The following FASTKD2 variants were observed in gnomAD, a reference collection of about 807,000 sequenced individuals.
FASTKD2 encodes FAST kinase domains 2, also known as FAST kinase domain-containing protein 2, mitochondrial.
Under a neutral mutation model 63.6 loss-of-function variants are expected in FASTKD2, and 51 were observed. The ratio of observed to expected loss-of-function variants is 0.80; its 90% CI spans 0.64 to 1.01. FASTKD2 has a LOEUF of 1.01. FASTKD2 is among the 50% of genes least tolerant of loss of function. The probability of loss-of-function intolerance (pLI) is 0.00; values close to 1 mark genes in which losing one functional copy is unlikely to be tolerated. For synonymous variants in FASTKD2, 284 were observed against 293.4 expected (o/e 0.97, Z 0.33); for missense variants, 786 against 831.1 (o/e 0.95, Z 0.67).
chr2:206,791,778 T>A lies in FASTKD2; in HGVS notation c.2109T>A (p.Ala703=). The A allele has an allele frequency of 6.2e-7, 1 of 1,613,132 alleles. No individual in the cohort carries two copies. The highest frequency in any genetic ancestry group is 8.5e-7 in the Non-Finnish European group (1 of 1,179,568). The change falls in exon 12 of 12, where the codon GCT becomes GCA. Residue 703 remains alanine, a synonymous_variant. Transcript: ENST00000402774. Reference sequence around the variant, plus strand: ...CAGTAGAAGCTCTTCCTGTTGCTGCTGTAAATGTGCAAAGCACACAATAAA... The same window carrying A: ...CAGTAGAAGCTCTTCCTGTTGCTGCAGTAAATGTGCAAAGCACACAATAAA... ...IYSVEALPVA[A]VNVQSTQ is the part of the protein sequence containing the mutation.
rs1318211235 is a variant in FASTKD2, at chr2:206,793,101, A to G, written c.*1299A>G. Among the ~76,000 whole-genome samples the G allele has an allele frequency of 6.6e-6, 1 of 151,928 alleles. No homozygotes were observed. The highest frequency in any genetic ancestry group is 1.5e-5 in the Non-Finnish European group (1 of 67,970). On this transcript the variant is annotated 3_prime_UTR_variant, in exon 12 of 12. Coordinates refer to ENST00000402774, the MANE Select transcript of FASTKD2 (RefSeq NM_001136193.2). ...GCCGGGCATGGTGGTGCATGCCTAT[A>G]ATCCCAGCTACTGGGGAGGCTGAGG...
rs1481124137 is a variant in FASTKD2 at position 206,795,754 on chromosome 2, C to G, written c.*3952C>G. On this transcript the variant is annotated 3_prime_UTR_variant, in exon 12 of 12. Transcript: ENST00000402774. The stretch of plus-strand genomic sequence containing the variant: ...TTTCTGCCAACAAACAGCCACAGAG[C>G]ATTTTATTTTTCTAGAAGAGCAATA... 6.6e-6 allele frequency among the ~76,000 whole-genome samples: 1 copy of G among 152,168 alleles called. No homozygotes were observed. The highest frequency in any genetic ancestry group is 1.5e-5 in the Non-Finnish European group (1 of 68,044).
chr2:206,774,061 G>T (rs761996308), intron 6 of FASTKD2, among the ~76,000 whole-genome samples, 164 bp from the exon 7 acceptor site: 1 of 152,072 alleles, frequency 6.6e-6, no homozygotes, highest in Non-Finnish European at 1.5e-5. Flanking sequence ...AACAGATTTT[G>T]TGAGAGAAAG....
At chr2:206,789,651 C>G (rs1690230980) in intron 10 of FASTKD2, 1 of 152,276 alleles carries the variant, frequency 6.6e-6, no homozygotes, top group Non-Finnish European at 1.5e-5. Flanking sequence ...GATCCAAGCT[C>G]TTATCTGCCC....
Position 206,795,272 on chromosome 2 carries a change from C to T in FASTKD2, c.*3470C>T, listed in dbSNP as rs181028470. On this transcript the variant is annotated 3_prime_UTR_variant, in exon 12 of 12. Coordinates refer to ENST00000402774, the MANE Select transcript of FASTKD2 (RefSeq NM_001136193.2). ...TTCCTGAGACGGAGTCGTGGTCTGT[C>T]GCCCAGGCTGGAGTGCTGTGGCGTG... 5.0e-4 allele frequency among the ~76,000 whole-genome samples: 76 copies of T among 152,232 alleles called. No individual in the cohort carries two copies. Among genetic ancestry groups the T allele is most frequent in the African/African-American group, 1.8e-3 (76 of 41,532 alleles).
In FASTKD2 at chr2:206,765,710, T is replaced by C. The variant is rs1689419640; in HGVS notation, c.-88T>C. ...CAGCCCGTATCACATCCTAGACTTT[T>C]TACTTCGAGGAGAAGAGTCTCACGA... On this transcript the variant is annotated 5_prime_UTR_variant, in exon 1 of 12. Transcript: ENST00000402774. The C allele has an allele frequency of 5.6e-6, 1 of 179,240 alleles. No homozygotes were observed. Among genetic ancestry groups the C allele is most frequent in the Non-Finnish European group, 1.1e-5 (1 of 91,940 alleles). The allele number at this position is 179,240 out of a possible 1,614,324, so 11.1% of individuals were successfully genotyped here.
chr2:206,765,670 G>T lies in FASTKD2; in HGVS notation c.-128G>T. ...GTGCTCTAAGGTGAGTGGAGGACGA[G>T]CTTGGGCTTAGCGGCAGCCCGTATC... is the stretch of plus-strand genomic sequence containing the variant. On this transcript the variant is annotated 5_prime_UTR_variant, in exon 1 of 12. Transcript: ENST00000402774. The T allele has an allele frequency of 2.9e-6, 1 of 347,806 alleles. No individual in the cohort carries two copies. Among genetic ancestry groups the T allele is most frequent in the Non-Finnish European group, 4.1e-6 (1 of 243,068 alleles). The allele number at this position is 347,806 out of a possible 1,614,324, so 21.5% of individuals were successfully genotyped here. A position where few individuals can be genotyped will look rare whatever the true frequency, so the allele number is the denominator to read the frequency against.
chr2:206,787,527 T>C (rs1690167587), intron 8 of FASTKD2, among the ~76,000 whole-genome samples: 2 of 152,332 alleles, frequency 1.3e-5, no homozygotes, highest in Non-Finnish European at 2.9e-5. Context: ...AGTTGAGTTG[T>C]AGAGAGTCAG....
Position 206,790,778 on chromosome 2 carries a change from A to G in FASTKD2, c.2013+92A>G, listed in dbSNP as rs1690263834. 7.4e-6 allele frequency: 6 copies of G among 806,170 alleles called. No individual in the cohort carries two copies. In the Admixed American group the frequency reaches 1.0e-4, roughly 14 times the overall value. 49.9% of individuals were successfully genotyped at this position (806,170 alleles called of 1,614,324 possible). ...CTTGTGGTTGAGACTGGTTACTAGG[A>G]CTAGAGGAATTGTCAGCATTATTGG... On this transcript the variant is annotated intron_variant, in intron 11 of 11. Coordinates refer to ENST00000402774, the MANE Select transcript of FASTKD2 (RefSeq NM_001136193.2).
chr2:206,770,644 G>A (rs111394663), intron 3 of FASTKD2, among the ~76,000 whole-genome samples: 25,560 of 150,908 alleles, frequency 0.17, 2,693 homozygotes, highest in Non-Finnish European at 0.23. Context: ...GCAGGAGAAT[G>A]GCGTGAACCC....
chr2:206,786,729 C>A lies in FASTKD2; in HGVS notation c.1428-4C>A. ...TGGGAAACTGACTTTTCTTTGTTCC[C>A]CAGACAGTTCGTGGAAGTTATGGCT... On this transcript the variant is annotated splice_region_variant and splice_polypyrimidine_tract_variant and intron_variant, in intron 7 of 11. Coordinates refer to ENST00000402774, the MANE Select transcript of FASTKD2 (RefSeq NM_001136193.2). The A allele has an allele frequency of 6.2e-7, 1 of 1,613,428 alleles. No individual in the cohort carries two copies. Among genetic ancestry groups the A allele is most frequent in the Non-Finnish European group, 8.5e-7 (1 of 1,179,446 alleles).
rs1690322900 is a variant in FASTKD2 at position 206,792,758 on chromosome 2, C to T, written c.*956C>T. Among the ~76,000 whole-genome samples the T allele has an allele frequency of 6.6e-6, 1 of 152,102 alleles. No individual in the cohort carries two copies. The highest frequency in any genetic ancestry group is 1.5e-5 in the Non-Finnish European group (1 of 68,014). On this transcript the variant is annotated 3_prime_UTR_variant, in exon 12 of 12. Coordinates refer to ENST00000402774, the MANE Select transcript of FASTKD2 (RefSeq NM_001136193.2). Reference sequence around the variant, plus strand: ...TATGTGCCGGGCACTGCTAAGTATTCATTTGTGTGCTGCCTTTTCATGATC... The same window carrying T: ...TATGTGCCGGGCACTGCTAAGTATTTATTTGTGTGCTGCCTTTTCATGATC...
At chr2:206,786,678 T>C (rs1690145058) in intron 7 of FASTKD2, 55 bp from the exon 8 acceptor site, 2 of 1,470,534 alleles carry the variant, frequency 1.4e-6, no homozygotes, top group Non-Finnish European at 1.9e-6. Context: ...TTGGAATCGT[T>C]ACAGATATTG....
At chr2:206,776,630 A>G (rs1689831709) in intron 7 of FASTKD2, among the ~76,000 whole-genome samples, 1 of 151,922 alleles carries the variant, frequency 6.6e-6, no homozygotes, top group South Asian at 2.1e-4. Flanking sequence ...TGAAGAGCAT[A>G]TTCTTTTACT....
intron 7 of FASTKD2, among the ~76,000 whole-genome samples, chr2:206,774,997 G>A (rs1209688704): frequency 6.6e-6 from 1 of 151,844 alleles, no homozygotes; most frequent in African/African-American, 2.4e-5. Context: ...GGAGTCATGC[G>A]GTATTTGTCC....
intron 7 of FASTKD2, among the ~76,000 whole-genome samples, chr2:206,781,304 ATTTTTTTT>A (rs71034473): frequency 0.17 from 12,885 of 75,988 alleles, 869 homozygotes; most frequent in African/African-American, 0.29. Context: ...TTTTTCTATG[ATTTTTTTT>A]TTTTTTTTTT....
At chr2:206,785,442 A>G (rs769219870) in intron 7 of FASTKD2, among the ~76,000 whole-genome samples, 10 of 152,174 alleles carry the variant, frequency 6.6e-5, no homozygotes, top group Non-Finnish European at 1.3e-4. Flanking sequence ...CCATGGAAAG[A>G]TAAGCAGGAA....
chr2:206,791,597 G>C (rs1270049508), intron 11 of FASTKD2, 86 bp from the exon 12 acceptor site: 2 of 1,283,482 alleles, frequency 1.6e-6, no homozygotes, highest in Non-Finnish European at 2.3e-6. Context: ...TTGTCCTCAT[G>C]TTACTTTACT....
Position 206,766,986 on chromosome 2 carries a change from T to C in FASTKD2, c.293T>C (p.Leu98Pro). Residue 98 changes from leucine (L) to proline (P), a missense_variant, in exon 2 of 12, where the codon CTA becomes CCA. Transcript: ENST00000402774. ...VGFQTKGIST[L>P]TALRIERLLY... The stretch of plus-strand genomic sequence containing the variant: ...TTTCAAACAAAGGGCATAAGCACTC[T>C]AACAGCCCTTAGAATTGAAAGACTA... The C allele has an allele frequency of 3.1e-6, 5 of 1,613,180 alleles. No individual in the cohort carries two copies. The highest frequency in any genetic ancestry group is 4.2e-6 in the Non-Finnish European group (5 of 1,179,180).
Sources: gnomAD v4.1 joint callset for allele counts (sites outside exome capture counted in the v4.1 genomes callset) on GRCh38, gnomAD v4.1.1 for gene constraint, MANE v1.5 for transcripts, NCBI Gene and HGNC (gene_info 2026-07-23, HGNC 2026-07-21) for gene names.